Variants in MPP1 observed in about 807,000 individuals in gnomAD.
MPP1 encodes 55 kDa erythrocyte membrane protein.
A neutral mutation model predicts 38.2 loss-of-function variants in MPP1; 6 were observed. The observed-to-expected ratio is 0.16, with a 90% confidence interval of 0.09 to 0.31. MPP1 has a LOEUF of 0.31. Among genes scored for constraint, MPP1 ranks in the 10% least tolerant of loss-of-function variants. MPP1 has a pLI of 1.00. For missense variants in MPP1, 293 were observed against 368.9 expected, an observed-to-expected ratio of 0.79 and a Z score of 1.69; for synonymous variants, 153 against 146.3, an observed-to-expected ratio of 1.05 and a Z score of -0.33.
At chrX:154,797,197 G>A in intron 1 of MPP1, among the ~76,000 whole-genome samples, 1 of 112,054 alleles carries the variant, frequency 8.9e-6, no homozygotes, top group Non-Finnish European at 1.9e-5. Context: ...GGTGGCCCCA[G>A]CTCTCACATT....
chrX:154,797,669 G>GA (rs1244205337), intron 1 of MPP1, among the ~76,000 whole-genome samples: 11 of 111,913 alleles, frequency 9.8e-5, no homozygotes, highest in African/African-American at 3.6e-4. Context: ...AAATATATTT[G>GA]AAAAAAATAG....
intron 1 of MPP1, among the ~76,000 whole-genome samples, chrX:154,797,197 G>T (rs1397876541): frequency 1.8e-5 from 2 of 112,054 alleles, no homozygotes; most frequent in African/African-American, 3.2e-5. Flanking sequence ...GGTGGCCCCA[G>T]CTCTCACATT....
intron 6 of MPP1, 98 bp downstream of exon 6, chrX:154,786,106 G>T: frequency 1.1e-6 from 1 of 879,998 alleles, no homozygotes; most frequent in Non-Finnish European, 1.6e-6. Flanking sequence ...GGTCTCCTTG[G>T]TTGAGAAACA....
intron 1 of MPP1, among the ~76,000 whole-genome samples, chrX:154,794,289 G>T (rs1161043856): frequency 1.8e-5 from 2 of 111,613 alleles, no homozygotes; most frequent in Non-Finnish European, 3.8e-5. Flanking sequence ...AGTCTCACAG[G>T]TGATCACTCT....
intron 2 of MPP1, 126 bp downstream of exon 2, chrX:154,792,016 T>A: frequency 9.5e-7 from 1 of 1,056,300 alleles, no homozygotes. Flanking sequence ...GAGATAAGAA[T>A]GAAAAGACAA....
chrX:154,805,126 C>T (rs1170195556), intron 1 of MPP1, 146 bp downstream of exon 1: 13 of 565,282 alleles, frequency 2.3e-5, no homozygotes, highest in Non-Finnish European at 3.6e-5. Context: ...GCCTTGTCCT[C>T]ACCCCGCCGG....
chrX:154,783,637 T>G (rs949177227), intron 8 of MPP1, 130 bp from the exon 9 acceptor site: 1 of 533,766 alleles, frequency 1.9e-6, no homozygotes, highest in Non-Finnish European at 3.1e-6. Context: ...TGGGCTGGGG[T>G]CAACTCTAAA....
In MPP1 at chrX:154,785,124, G is replaced by A. The variant is rs140227450; in HGVS notation, c.711C>T (p.Ser237=). ...RVASMAQSAP[S]EAPSCSPFGK... is the part of the protein sequence containing the mutation. ...CAAAGGGACTGCAGCTCGGGGCTTC[G>A]CTAGGAGCTGACTGAGCCATACTTG... The change falls in exon 7 of 12, where the codon AGC becomes AGT. Residue 237 remains serine, a synonymous_variant. Coordinates refer to ENST00000369534, the MANE Select transcript of MPP1 (RefSeq NM_002436.4). The A allele has an allele frequency of 1.8e-5, 22 of 1,206,354 alleles. 1 individual carries two copies. The highest frequency in any genetic ancestry group is 8.8e-5 in the African/African-American group (5 of 56,711).
chrX:154,791,362 G>C (rs2072139875), intron 3 of MPP1, among the ~76,000 whole-genome samples: 1 of 111,874 alleles, frequency 8.9e-6, no homozygotes, highest in Non-Finnish European at 1.9e-5. Context: ...GAATAACAAA[G>C]CAAGGCAAAG....
chrX:154,786,725 G>A (rs374901631), intron 5 of MPP1, among the ~76,000 whole-genome samples: 3 of 108,532 alleles, frequency 2.8e-5, no homozygotes, highest in Non-Finnish European at 5.7e-5. Flanking sequence ...GTGAAACTCC[G>A]TCTCTACTAA....
chrX:154,783,682 C>T, intron 8 of MPP1, 175 bp from the exon 9 acceptor site: 1 of 444,416 alleles, frequency 2.3e-6, no homozygotes, highest in Non-Finnish European at 3.9e-6. Context: ...GAGGCAAAGC[C>T]TACATACCTG....
In MPP1 at chrX:154,805,402, A is replaced by AGACAGGGCAGCGCTGGGAAT; in HGVS notation, c.-49_-30dup. The AGACAGGGCAGCGCTGGGAAT allele has an allele frequency of 8.7e-7, 1 of 1,153,610 alleles. No homozygotes were observed. The highest frequency in any genetic ancestry group is 1.2e-6 in the Non-Finnish European group (1 of 855,752). On this transcript the variant is annotated 5_prime_UTR_variant, in exon 1 of 12. Coordinates refer to ENST00000369534, the MANE Select transcript of MPP1 (RefSeq NM_002436.4). ...GCAGAAGCTGGAACACTGGAACGCA[A>AGACAGGGCAGCGCTGGGAAT]GACAGGGCAGCGCTGGGAATGACAG... is the stretch of plus-strand genomic sequence containing the variant.
intron 4 of MPP1, among the ~76,000 whole-genome samples, chrX:154,790,479 C>G (rs782487890): frequency 3.8e-5 from 4 of 104,521 alleles, no homozygotes; most frequent in African/African-American, 7.1e-5. Context: ...TGCAGTGAGC[C>G]GAGATCACGC....
At chrX:154,796,376 C>G (rs1788135589) in intron 1 of MPP1, among the ~76,000 whole-genome samples, 1 of 111,428 alleles carries the variant, frequency 9.0e-6, no homozygotes, top group Admixed American at 9.5e-5. Context: ...AGTGATCCAC[C>G]TGCCTCGGCC....
At chrX:154,801,801 A>AAAAAAAAAG (rs2072270331) in intron 1 of MPP1, among the ~76,000 whole-genome samples, 1 of 103,841 alleles carries the variant, frequency 9.6e-6, no homozygotes, top group Non-Finnish European at 2.0e-5. Flanking sequence ...AAACAGAAAA[A>AAAAAAAAAG]AGTCATGAAG....
At chrX:154,783,712 C>G in intron 8 of MPP1, 4 of 434,959 alleles carry the variant, frequency 9.2e-6, no homozygotes, top group Non-Finnish European at 1.2e-5. Context: ...CAAGGACTTA[C>G]TCTGTTTCAG....
At chrX:154,794,880 C>T (rs918830547) in intron 1 of MPP1, among the ~76,000 whole-genome samples, 6 of 111,978 alleles carry the variant, frequency 5.4e-5, no homozygotes, top group Non-Finnish European at 9.4e-5. Flanking sequence ...GTGGGGAGAT[C>T]GCTTAAGCCC....
Position 154,796,141 on chromosome X carries a change from CT to C in MPP1, c.103-3857del, listed in dbSNP as rs1201762167. ...TTCCTTTTCTTTTCTTTTCTTTTTTCTTTTTTTGAGAAAGAGTCTCACTCTG... is the reference window on the plus strand; with the variant it reads ...TTCCTTTTCTTTTCTTTTCTTTTTTCTTTTTTGAGAAAGAGTCTCACTCTG... On this transcript the variant is annotated intron_variant, in intron 1 of 11. Transcript: ENST00000369534. Among the ~76,000 whole-genome samples the C allele has an allele frequency of 1.3e-3, 122 of 92,022 alleles. 4 individuals are homozygous for C. Among genetic ancestry groups the C allele is most frequent in the Non-Finnish European group, 9.5e-4 (43 of 45,276 alleles). 79.9% of individuals were successfully genotyped at this position (92,022 alleles called of 115,157 possible).
chrX:154,781,791 G>T lies in MPP1; in HGVS notation c.958C>A (p.Pro320Thr). Residue 320 changes from proline to threonine, a missense_variant, in exon 10 of 12, where the codon CCG becomes ACG. Pro to Thr is a conservative substitution (Grantham distance 38). Coordinates refer to ENST00000369534, the MANE Select transcript of MPP1 (RefSeq NM_002436.4). ...FVYPVPYTTR[P>T]PRKSEEDGKE... is the part of the protein sequence containing the mutation. ...CCATCTTCCTCACTCTTCCTTGGCGGCCGTGTTGTATCTGTGTACAAGAAC... is the reference window on the plus strand; with the variant it reads ...CCATCTTCCTCACTCTTCCTTGGCGTCCGTGTTGTATCTGTGTACAAGAAC... 1 of 1,210,770 alleles carries T rather than the reference G, an allele frequency of 8.3e-7. No homozygotes were observed.
Sources: allele counts gnomAD v4.1 joint callset (sites outside exome capture counted in the v4.1 genomes callset), GRCh38; gene constraint gnomAD v4.1.1; transcripts MANE v1.5; gene names NCBI Gene and HGNC (gene_info 2026-07-23, HGNC 2026-07-21).